Variants in RIMS2 observed in about 807,000 individuals in gnomAD.
RIMS2 encodes regulating synaptic membrane exocytosis protein 2.
RIMS2 carries 59 observed loss-of-function variants against 174.4 expected under a neutral mutation model. The observed-to-expected ratio is 0.34, with a 90% confidence interval of 0.27 to 0.42. The LOEUF is 0.42. RIMS2 is among the 10% of genes least tolerant of loss of function. The probability of loss-of-function intolerance (pLI) is 1.00; values close to 1 mark genes in which losing one functional copy is unlikely to be tolerated. For synonymous variants in RIMS2, 606 were observed against 572.5 expected, an observed-to-expected ratio of 1.06 and a Z score of -0.84; for missense variants, 1,620 against 1,666.3, an observed-to-expected ratio of 0.97 and a Z score of 0.48.
chr8:103,931,025 A>G (rs537894320), intron 11 of RIMS2, among the ~76,000 whole-genome samples: 1 of 152,258 alleles, frequency 6.6e-6, no homozygotes, highest in African/African-American at 2.4e-5. Flanking sequence ...AAGCAATCAC[A>G]TTAAGATAAT....
chr8:103,745,808 T>C (rs928676499), intron 2 of RIMS2, among the ~76,000 whole-genome samples: 2 of 152,148 alleles, frequency 1.3e-5, no homozygotes. Flanking sequence ...TAAGGTTGGG[T>C]TGTTGTTGGG....
chr8:104,255,372 A>G (rs918761186), downstream of RIMS2: 1 of 151,984 alleles, frequency 6.6e-6, no homozygotes, highest in Non-Finnish European at 1.5e-5. Context: ...TGTTGTTCAT[A>G]TACATTCCTG....
intron 19 of RIMS2, among the ~76,000 whole-genome samples, chr8:104,154,463 A>G (rs923724914): frequency 6.6e-6 from 1 of 152,232 alleles, no homozygotes; most frequent in African/African-American, 2.4e-5. Context: ...TTTTAATTAA[A>G]TTATTTTAAA....
In RIMS2 at chr8:103,796,256, C is replaced by G. The variant is rs181964826; in HGVS notation, c.698+29719C>G. Among the ~76,000 whole-genome samples the G allele has an allele frequency of 3.9e-3, 595 of 152,178 alleles. 1 individual carries two copies. Among genetic ancestry groups the G allele is most frequent in the Non-Finnish European group, 7.1e-3 (485 of 67,994 alleles). ...ACTTTTGATGCTTTCTCATTTTGGA[C>G]TTAAAGTTCAAATTCTTAACTTTAT... On this transcript the variant is annotated intron_variant, in intron 3 of 23. Coordinates refer to ENST00000504942, the Ensembl canonical transcript of RIMS2.
At chr8:103,617,206 T>C (rs1443471948) in intron 1 of RIMS2, among the ~76,000 whole-genome samples, 1 of 152,054 alleles carries the variant, frequency 6.6e-6, no homozygotes, top group African/African-American at 2.4e-5. Context: ...AGCCTAGAAA[T>C]AGGGCCCCAC....
chr8:103,574,839 G>T (rs2132501678), intron 1 of RIMS2, among the ~76,000 whole-genome samples: 1 of 152,246 alleles, frequency 6.6e-6, no homozygotes, highest in Non-Finnish European at 1.5e-5. Flanking sequence ...TAATGATTAG[G>T]ATCTGCCAAA....
intron 3 of RIMS2, among the ~76,000 whole-genome samples, chr8:103,787,560 G>A (rs1260169201): frequency 6.6e-6 from 1 of 151,900 alleles, no homozygotes; most frequent in African/African-American, 2.4e-5. Flanking sequence ...TGAAATTCTG[G>A]GTTGAAAATT....
chr8:103,691,121 C>T (rs1488421613), intron 1 of RIMS2, among the ~76,000 whole-genome samples: 1 of 152,138 alleles, frequency 6.6e-6, no homozygotes, highest in Non-Finnish European at 1.5e-5. Context: ...GGGATTCTTT[C>T]TTTATCCTTT....
At chr8:103,805,171 A>G (rs1365182599) in intron 3 of RIMS2, among the ~76,000 whole-genome samples, 1 of 152,048 alleles carries the variant, frequency 6.6e-6, no homozygotes, top group African/African-American at 2.4e-5. Context: ...AATGGTACTA[A>G]TTGTTATTTC....
chr8:103,916,826 G>A (rs2076708848), intron 8 of RIMS2, among the ~76,000 whole-genome samples: 1 of 151,976 alleles, frequency 6.6e-6, no homozygotes, highest in Non-Finnish European at 1.5e-5. Context: ...AGTAGGGGAA[G>A]GAGACTATAA....
chr8:103,551,292 A>G (rs2131594470), intron 1 of RIMS2, among the ~76,000 whole-genome samples: 1 of 152,352 alleles, frequency 6.6e-6, no homozygotes, highest in African/African-American at 2.4e-5. Flanking sequence ...AGGCTGGTTC[A>G]ACATACGAAT....
chr8:103,975,227 T>G (rs145668544), intron 15 of RIMS2, 123 bp from the exon 18 acceptor site: 1 of 568,758 alleles, frequency 1.8e-6, no homozygotes, highest in Non-Finnish European at 3.1e-6. Flanking sequence ...TTCACTATAC[T>G]TTATATTTAA....
At chr8:104,207,752 G>A (rs2099087133) in intron 19 of RIMS2, among the ~76,000 whole-genome samples, 1 of 151,776 alleles carries the variant, frequency 6.6e-6, no homozygotes. Context: ...GGCAGAGATT[G>A]CAGTGAGCCA....
chr8:104,079,102 A>G (rs955846085), intron 19 of RIMS2, among the ~76,000 whole-genome samples: 3 of 152,186 alleles, frequency 2.0e-5, no homozygotes, highest in Non-Finnish European at 2.9e-5. Context: ...CAAAAAAAAA[A>G]GTCATTTGAG....
At chr8:104,213,935 A>G (rs1022486587) in intron 19 of RIMS2, among the ~76,000 whole-genome samples, 1 of 152,070 alleles carries the variant, frequency 6.6e-6, no homozygotes, top group Non-Finnish European at 1.5e-5. Context: ...AACCGCAAAT[A>G]GAATAGCTTT....
chr8:103,515,903 A>ATAC (rs946720698), intron 1 of RIMS2, among the ~76,000 whole-genome samples: 2 of 152,058 alleles, frequency 1.3e-5, no homozygotes, highest in Non-Finnish European at 2.9e-5. Flanking sequence ...TATTAACTTA[A>ATAC]TACTGTTTGC....
At chr8:104,224,865 T>C (rs1277193087) in intron 19 of RIMS2, among the ~76,000 whole-genome samples, 1 of 152,236 alleles carries the variant, frequency 6.6e-6, no homozygotes, top group Non-Finnish European at 1.5e-5. Context: ...ATTTATTAGC[T>C]AGAGCTATCC....
At position 104,160,044 on chromosome 8, in the gene RIMS2, C is replaced by A. The variant is rs369476068; in HGVS notation, c.3335-84872C>A. On this transcript the variant is annotated intron_variant, in intron 19 of 23. Coordinates refer to ENST00000504942, the Ensembl canonical transcript of RIMS2. The stretch of plus-strand genomic sequence containing the variant: ...ATCCCAGCTACTTGGGAGGCTGAGG[C>A]GGGAGGATTACTTGAACCTGGAAGG... 1.3e-5 allele frequency among the ~76,000 whole-genome samples: 2 copies of A among 151,548 alleles called. 1 individual carries two copies. The highest frequency in any genetic ancestry group is 4.2e-4 in the South Asian group (2 of 4,804).
At chr8:104,097,656 T>C (rs979222207) in intron 19 of RIMS2, among the ~76,000 whole-genome samples, 2 of 150,764 alleles carry the variant, frequency 1.3e-5, no homozygotes, top group Admixed American at 1.3e-4. Context: ...CTCCCTACAA[T>C]GTTGTGTTTT....
Sources: allele counts gnomAD v4.1 joint callset (sites outside exome capture counted in the v4.1 genomes callset), GRCh38; gene constraint gnomAD v4.1.1; transcripts MANE v1.5; gene names NCBI Gene and HGNC (gene_info 2026-07-23, HGNC 2026-07-21).